The following NALF1 variants were observed in gnomAD, a reference collection of about 807,000 sequenced individuals.
NALF1 encodes the protein family with sequence similarity 155 member A.
A neutral mutation model predicts 48.4 loss-of-function variants in NALF1; 3 were observed. The ratio of observed to expected loss-of-function variants is 0.06; its 90% confidence interval spans 0.03 to 0.16. The LOEUF is 0.16. Among genes scored for constraint, NALF1 ranks in the 10% least tolerant of loss-of-function variants. The pLI, the probability that NALF1 is intolerant of heterozygous loss-of-function variation, is 1.00. For missense variants in NALF1, 526 were observed against 571.5 expected (o/e 0.92, Z 0.81); for synonymous variants, 262 against 245.7 (o/e 1.07, Z -0.62).
intron 1 of NALF1, among the ~76,000 whole-genome samples, chr13:107,272,416 T>G (rs1305417107): frequency 4.4e-5 from 1 of 22,784 alleles, no homozygotes; most frequent in Non-Finnish European, 1.3e-4. Context: ...GGGTTTCACC[T>G]TGTTAGCCAG....
chr13:107,580,513 C>A (rs867243601), intron 1 of NALF1, among the ~76,000 whole-genome samples: 12 of 152,234 alleles, frequency 7.9e-5, no homozygotes, highest in East Asian at 1.9e-4. Context: ...GCACTTCCCA[C>A]CCCACATGCA....
intron 1 of NALF1, among the ~76,000 whole-genome samples, chr13:107,763,041 C>CT (rs199706000): frequency 2.0e-4 from 30 of 146,704 alleles, no homozygotes; most frequent in South Asian, 2.2e-4. Context: ...TGTTTGATAC[C>CT]TTTTTTTTTT....
chr13:107,804,179 T>C (rs1878704426), intron 1 of NALF1, among the ~76,000 whole-genome samples: 1 of 152,214 alleles, frequency 6.6e-6, no homozygotes, highest in South Asian at 2.1e-4. Flanking sequence ...CTGTCCACCT[T>C]GATCCAAGCA....
At chr13:107,806,425 T>G (rs1878791331) in intron 1 of NALF1, among the ~76,000 whole-genome samples, 1 of 152,132 alleles carries the variant, frequency 6.6e-6, no homozygotes, top group Non-Finnish European at 1.5e-5. Flanking sequence ...CAGACACACC[T>G]ATTTTTTTAA....
chr13:107,822,622 T>A (rs1879392042), intron 1 of NALF1, among the ~76,000 whole-genome samples: 1 of 152,196 alleles, frequency 6.6e-6, no homozygotes, highest in South Asian at 2.1e-4. Flanking sequence ...ATCTCAGCAT[T>A]GCAGTTGATA....
At position 107,638,607 on chromosome 13, in the gene NALF1, T is replaced by A. The variant is rs370917839; in HGVS notation, c.915+227075A>T. 7.9e-5 allele frequency among the ~76,000 whole-genome samples: 12 copies of A among 152,182 alleles called. No homozygotes were observed. In the East Asian group the frequency reaches 1.2e-3, roughly 15 times the overall value. On this transcript the variant is annotated intron_variant, in intron 1 of 2. Transcript: ENST00000375915. ...TGAATAAGACAGTTTCAGAGAGTGATGCAAGCTTTGAAGGAAAAACTAATA... is the reference window on the plus strand; with the variant it reads ...TGAATAAGACAGTTTCAGAGAGTGAAGCAAGCTTTGAAGGAAAAACTAATA...
chr13:107,336,368 G>GATAATAATA (rs760969544), intron 1 of NALF1, among the ~76,000 whole-genome samples: 2 of 127,298 alleles, frequency 1.6e-5, no homozygotes, highest in East Asian at 4.4e-4. Context: ...TGATGATGAT[G>GATAATAATA]ATAATAATAA....
In NALF1 at chr13:107,571,417, T is replaced by A. The variant is rs575156410; in HGVS notation, c.915+294265A>T. On this transcript the variant is annotated intron_variant, in intron 1 of 2. Transcript: ENST00000375915. ...TCAATCATAATTAGGAAAGGAAACC[T>A]CCACAAAAACCCTAAATAATGGGGT... Among the ~76,000 whole-genome samples, 64 of 152,198 alleles carry A rather than the reference T, an allele frequency of 4.2e-4. 4 individuals are homozygous for A. The South Asian group carries it at 0.013, about 31-fold the overall frequency.
intron 1 of NALF1, among the ~76,000 whole-genome samples, chr13:107,220,546 G>T (rs935800418): frequency 2.0e-5 from 3 of 152,182 alleles, no homozygotes; most frequent in Admixed American, 2.0e-4. Context: ...CAATCTGTCT[G>T]TTAATCCCAC....
intron 1 of NALF1, among the ~76,000 whole-genome samples, chr13:107,588,045 A>G (rs1467030670): frequency 1.3e-5 from 2 of 152,104 alleles, no homozygotes; most frequent in African/African-American, 4.8e-5. Context: ...GTGCTATTTA[A>G]TGAACCCACC....
intron 1 of NALF1, among the ~76,000 whole-genome samples, chr13:107,240,055 A>G (rs1209516723): frequency 6.6e-6 from 1 of 152,230 alleles, no homozygotes; most frequent in Non-Finnish European, 1.5e-5. Context: ...TCACACACTT[A>G]GAAGTCAAAA....
intron 2 of NALF1, among the ~76,000 whole-genome samples, chr13:107,186,080 C>T (rs1227888339): frequency 6.6e-6 from 1 of 152,200 alleles, no homozygotes; most frequent in Non-Finnish European, 1.5e-5. Context: ...ATTAGTCCAG[C>T]ATGTCCACAC....
chr13:107,510,236 C>T (rs1438513065), intron 1 of NALF1, among the ~76,000 whole-genome samples: 1 of 152,144 alleles, frequency 6.6e-6, no homozygotes, highest in African/African-American at 2.4e-5. Context: ...CTGATGTTTT[C>T]ACACCCAATT....
At chr13:107,819,726 GTCTCTCTC>G (rs141973692) in intron 1 of NALF1, among the ~76,000 whole-genome samples, 2 of 121,534 alleles carry the variant, frequency 1.6e-5, no homozygotes, top group East Asian at 3.1e-4. Flanking sequence ...TCTGGAAACT[GTCTCTCTC>G]TCTCTCTCTC....
intron 1 of NALF1, among the ~76,000 whole-genome samples, chr13:107,261,563 C>T (rs138927523): frequency 1.2e-4 from 18 of 152,146 alleles, no homozygotes; most frequent in Non-Finnish European, 2.6e-4. Flanking sequence ...GGTAAATCTC[C>T]GAACTACTGC....
chr13:107,632,702 G>T (rs1879865096), intron 1 of NALF1, among the ~76,000 whole-genome samples: 1 of 152,102 alleles, frequency 6.6e-6, no homozygotes, highest in Non-Finnish European at 1.5e-5. Context: ...TAGGCTTAAA[G>T]ACTAAATTTG....
intron 1 of NALF1, among the ~76,000 whole-genome samples, chr13:107,834,061 C>T (rs1469546810): frequency 6.6e-6 from 1 of 151,958 alleles, no homozygotes; most frequent in Non-Finnish European, 1.5e-5. Context: ...TAATAAATAA[C>T]AATATGACAA....
At chr13:107,216,724 C>T (rs1879880299) in intron 1 of NALF1, among the ~76,000 whole-genome samples, 1 of 152,162 alleles carries the variant, frequency 6.6e-6, no homozygotes, top group Non-Finnish European at 1.5e-5. Flanking sequence ...CCATTCTCAA[C>T]ACCAAAATGA....
At chr13:107,535,430 T>C (rs1034997422) in intron 1 of NALF1, among the ~76,000 whole-genome samples, 1 of 151,858 alleles carries the variant, frequency 6.6e-6, no homozygotes, top group Non-Finnish European at 1.5e-5. Flanking sequence ...TATACACCAA[T>C]AACAGACAAA....
Sources: allele counts gnomAD v4.1 joint callset (sites outside exome capture counted in the v4.1 genomes callset), GRCh38; gene constraint gnomAD v4.1.1; transcripts MANE v1.5; gene names NCBI Gene and HGNC (gene_info 2026-07-23, HGNC 2026-07-21).